Variants in LYST observed in about 807,000 individuals in gnomAD.
LYST encodes lysosomal-trafficking regulator.
Under a neutral mutation model 413.6 loss-of-function variants are expected in LYST, and 192 were observed. That is an observed-to-expected ratio of 0.46 (90% confidence interval 0.41 to 0.52). The LOEUF is 0.52. LYST is among the 20% of genes least tolerant of loss of function. The probability of loss-of-function intolerance (pLI) is 0.00; values close to 1 mark genes in which losing one functional copy is unlikely to be tolerated. For synonymous variants in LYST, 1,525 were observed against 1,567.3 expected, an observed-to-expected ratio of 0.97 and a Z score of 0.64; for missense variants, 3,815 against 4,499.9, an observed-to-expected ratio of 0.85 and a Z score of 4.35.
intron 22 of LYST, 138 bp from the exon 23 acceptor site, chr1:235,759,737 T>C: frequency 1.5e-6 from 1 of 675,452 alleles, no homozygotes. Flanking sequence ...ATTTTACAAG[T>C]AACTAATGCT....
intron 1 of LYST, among the ~76,000 whole-genome samples, chr1:235,875,817 G>C (rs1681109445): frequency 6.6e-6 from 1 of 152,174 alleles, no homozygotes; most frequent in Non-Finnish European, 1.5e-5. Flanking sequence ...CTGGGTGACA[G>C]AGCGAGACTC....
chr1:235,665,612 C>CAAAAAA (rs1285165106), intron 50 of LYST, among the ~76,000 whole-genome samples: 2 of 81,254 alleles, frequency 2.5e-5, no homozygotes, highest in African/African-American at 4.5e-5. Flanking sequence ...GACTCTATCT[C>CAAAAAA]AAAAAAAAAA....
At chr1:235,708,335 T>C (rs1357473246) in intron 44 of LYST, among the ~76,000 whole-genome samples, 1 of 152,170 alleles carries the variant, frequency 6.6e-6, no homozygotes, top group Non-Finnish European at 1.5e-5. Context: ...TAAGAAAACA[T>C]GGTGCCATTT....
At chr1:235,855,103 T>C (rs1379338997) in intron 1 of LYST, among the ~76,000 whole-genome samples, 2 of 152,154 alleles carry the variant, frequency 1.3e-5, no homozygotes, top group Non-Finnish European at 2.9e-5. Flanking sequence ...TCCCATTAAT[T>C]CCCAATTAAT....
chr1:235,879,337 A>C (rs552279076), intron 1 of LYST, among the ~76,000 whole-genome samples: 8 of 152,342 alleles, frequency 5.3e-5, no homozygotes, highest in African/African-American at 1.7e-4. Flanking sequence ...AGATGTCTGA[A>C]AGCAAGACAA....
Position 235,752,160 on chromosome 1 carries a change from C to T in LYST, c.7472G>A (p.Ser2491Asn), listed in dbSNP as rs554164175. The T allele has an allele frequency of 6.2e-6, 10 of 1,607,708 alleles. No homozygotes were observed. In the African/African-American group the frequency reaches 1.2e-4, roughly 19 times the overall value. ...LNGLEKNIPM[S>N]EYKLLACDIQ... ...ATCACAAGCAAGCAATTTATATTCA[C>T]TCATGGGAATGCTAAAGATAACAAC... is the stretch of plus-strand genomic sequence containing the variant. The change falls in exon 27 of 53, where the codon AGT (serine) becomes AAT (asparagine). Residue 2491 changes from serine (S) to asparagine (N), a missense_variant. By Grantham distance (46) the Ser-to-Asn change is conservative. Coordinates refer to ENST00000389793, the MANE Select transcript of LYST (RefSeq NM_000081.4).
At chr1:235,873,737 C>A (rs1216824419) in intron 1 of LYST, among the ~76,000 whole-genome samples, 2 of 152,190 alleles carry the variant, frequency 1.3e-5, no homozygotes, top group Non-Finnish European at 2.9e-5. Flanking sequence ...CTACAAATTT[C>A]TGATTAACTT....
At position 235,806,415 on chromosome 1, in the gene LYST, T is replaced by C; in HGVS notation, c.2721A>G (p.Leu907=). The C allele has an allele frequency of 6.2e-7, 1 of 1,614,012 alleles. No individual in the cohort carries two copies. The highest frequency in any genetic ancestry group is 8.5e-7 in the Non-Finnish European group (1 of 1,179,984). The part of the protein sequence containing the change: ...TINLFLCVAF[L]CVSKEAESDR... ...CAGACTCTGCTTCTTTACTTACGCA[T>C]AAAAAAGCCACACAGAGGAATAGGT... is the stretch of plus-strand genomic sequence containing the variant. Residue 907 remains leucine, a synonymous_variant, in exon 6 of 53, where the codon TTA becomes TTG. Coordinates refer to ENST00000389793, the MANE Select transcript of LYST (RefSeq NM_000081.4).
chr1:235,762,838 A>G lies in LYST; in HGVS notation c.6135T>C (p.Phe2045=), dbSNP rs1368530957. ...YFSLHIDGKI[F]QEKVRSIMYL... ...ACATGATTGACCGCACTTTCTCCTGAAAGATCTTGCCATCTAGAATCCAAA... is the reference window on the plus strand; with the variant it reads ...ACATGATTGACCGCACTTTCTCCTGGAAGATCTTGCCATCTAGAATCCAAA... The change falls in exon 22 of 53, where the codon TTT becomes TTC. Residue 2045 remains phenylalanine (F), a synonymous_variant. Coordinates refer to ENST00000389793, the MANE Select transcript of LYST (RefSeq NM_000081.4). The G allele has an allele frequency of 2.5e-6, 4 of 1,613,424 alleles. No individual in the cohort carries two copies. The highest frequency in any genetic ancestry group is 3.4e-6 in the Non-Finnish European group (4 of 1,179,636).
chr1:235,740,625 T>A (rs962794534), intron 31 of LYST, among the ~76,000 whole-genome samples: 1 of 152,222 alleles, frequency 6.6e-6, no homozygotes, highest in African/African-American at 2.4e-5. Context: ...TATAATAGTC[T>A]ATATGGTGCT....
rs200349572 is a variant in LYST at position 235,854,900 on chromosome 1, T to C, written c.-98+11943A>G. On this transcript the variant is annotated intron_variant, in intron 1 of 52. Coordinates refer to ENST00000389793, the MANE Select transcript of LYST (RefSeq NM_000081.4). This position sits in a 1 kb window ranked among gnomAD's most constrained non-coding sequence, Gnocchi z 4.1. ...ATGCTACCACTAAAAATGTTACTCATATCCCTTGGAATGACAAATGTCACT... is the reference window on the plus strand; with the variant it reads ...ATGCTACCACTAAAAATGTTACTCACATCCCTTGGAATGACAAATGTCACT... 2.0e-5 allele frequency among the ~76,000 whole-genome samples: 3 copies of C among 152,200 alleles called. No individual in the cohort carries two copies. In the East Asian group the frequency reaches 5.8e-4, roughly 29 times the overall value.
intron 19 of LYST, among the ~76,000 whole-genome samples, 159 bp from the exon 20 acceptor site, chr1:235,770,456 T>C (rs1176434586): frequency 6.6e-6 from 1 of 152,218 alleles, no homozygotes; most frequent in Non-Finnish European, 1.5e-5. Flanking sequence ...TTATTCCCTA[T>C]TATTTTTTGT....
At position 235,734,565 on chromosome 1, in the gene LYST, A is replaced by G. The variant is rs1253773123; in HGVS notation, c.8453T>C (p.Met2818Thr). 1 of 1,613,618 alleles carries G rather than the reference A, an allele frequency of 6.2e-7. No homozygotes were observed. Among genetic ancestry groups the G allele is most frequent in the African/African-American group, 1.3e-5 (1 of 75,050 alleles). The part of the protein sequence containing the change: ...EEELGTAELL[M>T]NALKLCGHKC... ...GTGACCACATAACTTCAAAGCATTCATAAGCAGTTCTGCTGTGCCTAGCTC... is the reference window on the plus strand; with the variant it reads ...GTGACCACATAACTTCAAAGCATTCGTAAGCAGTTCTGCTGTGCCTAGCTC... The change falls in exon 32 of 53, where the codon ATG (methionine) becomes ACG (threonine). Residue 2818 changes from methionine (M) to threonine (T), a missense_variant. By Grantham distance (81) the Met-to-Thr change is moderately conservative (BLOSUM62 -1). Transcript: ENST00000389793.
chr1:235,715,053 C>T lies in LYST; in HGVS notation c.9784+148G>A, dbSNP rs1662714751. 9.5e-6 allele frequency: 7 copies of T among 735,108 alleles called. No individual in the cohort carries two copies. The South Asian group carries it at 1.2e-4, about 13-fold the overall frequency. 45.5% of individuals were successfully genotyped at this position (735,108 alleles called of 1,614,324 possible). A position where few individuals can be genotyped will look rare whatever the true frequency, so the allele number is the denominator to read the frequency against. The stretch of plus-strand genomic sequence containing the variant: ...GGCTTACTACAGCTTTTTTGAGGAG[C>T]ACTTTGGGCAAGGAATAAATAGAAT... On this transcript the variant is annotated intron_variant, in intron 42 of 52. Coordinates refer to ENST00000389793, the MANE Select transcript of LYST (RefSeq NM_000081.4).
At chr1:235,666,973 C>T (rs1044276824) in intron 50 of LYST, among the ~76,000 whole-genome samples, 29 of 152,130 alleles carry the variant, frequency 1.9e-4, no homozygotes, top group Admixed American at 6.5e-4. Flanking sequence ...TAAATGTGGG[C>T]CTGGACTCTC....
At chr1:235,711,847 TAC>T (rs1419104954) in intron 43 of LYST, among the ~76,000 whole-genome samples, 1 of 152,072 alleles carries the variant, frequency 6.6e-6, no homozygotes, top group Non-Finnish European at 1.5e-5. Flanking sequence ...AGTTAAAAGT[TAC>T]AGTTTTCCAA....
chr1:235,847,592 A>C (rs1327137466), intron 1 of LYST, among the ~76,000 whole-genome samples: 1 of 135,096 alleles, frequency 7.4e-6, no homozygotes, highest in Non-Finnish European at 1.5e-5. Flanking sequence ...TGCTCCACTT[A>C]AAAGATACAG....
Position 235,744,215 on chromosome 1 carries a change from AAATAGT to A in LYST, c.7973-64_7973-59del, listed in dbSNP as rs1327440148. On this transcript the variant is annotated intron_variant, in intron 29 of 52. Coordinates refer to ENST00000389793, the MANE Select transcript of LYST (RefSeq NM_000081.4). ...CATATCACTGCTATCTTGCCATTAT[AAATAGT>A]AATAATACTGGTAAAAAATATTGTA... is the stretch of plus-strand genomic sequence containing the variant. The A allele has an allele frequency of 6.7e-6, 6 of 894,696 alleles. No homozygotes were observed. In the African/African-American group the frequency reaches 8.2e-5, roughly 12 times the overall value. 55.4% of individuals were successfully genotyped at this position (894,696 alleles called of 1,614,324 possible).
chr1:235,719,221 T>C (rs1663118308), intron 40 of LYST, among the ~76,000 whole-genome samples: 1 of 152,096 alleles, frequency 6.6e-6, no homozygotes, highest in African/African-American at 2.4e-5. Context: ...TTTCACCATG[T>C]TGGCCAGGCT....
Sources: gnomAD v4.1 joint callset for allele counts (sites outside exome capture counted in the v4.1 genomes callset) on GRCh38, gnomAD v4.1.1 for gene constraint, Gnocchi (gnomAD v3.1) non-coding constraint, MANE v1.5 for transcripts, NCBI Gene and HGNC (gene_info 2026-07-23, HGNC 2026-07-21) for gene names.